CAMKMT: variants seen among roughly 807,000 people sequenced by gnomAD.
CAMKMT encodes CaM KMT.
Under a neutral mutation model 48.0 loss-of-function variants are expected in CAMKMT, and 53 were observed. The observed-to-expected ratio is 1.10, with a 90% CI of 0.89 to 1.39. The LOEUF (loss-of-function observed/expected upper bound fraction) is 1.39. Among genes scored for constraint, CAMKMT ranks in the 40% most tolerant of loss-of-function variants. The pLI is 0.00. For synonymous variants in CAMKMT, 165 were observed against 152.3 expected, an observed-to-expected ratio of 1.08 and a Z score of -0.61; for missense variants, 428 against 402.7, an observed-to-expected ratio of 1.06 and a Z score of -0.54.
chr2:44,486,657 AGAGAGCTG>A (rs1669232508), intron 3 of CAMKMT, among the ~76,000 whole-genome samples: 1 of 152,250 alleles, frequency 6.6e-6, no homozygotes, highest in Non-Finnish European at 1.5e-5. Flanking sequence ...AACTTTAGTC[AGAGAGCTG>A]AAAGCCATTG....
At chr2:44,382,178 G>A (rs960404768) in intron 2 of CAMKMT, among the ~76,000 whole-genome samples, 2 of 152,032 alleles carry the variant, frequency 1.3e-5, no homozygotes, top group African/African-American at 4.8e-5. Context: ...CTGACCTTAG[G>A]TGATTCTACC....
chr2:44,662,467 T>A (rs1044016856), intron 3 of CAMKMT, among the ~76,000 whole-genome samples: 2 of 152,244 alleles, frequency 1.3e-5, no homozygotes, highest in African/African-American at 4.8e-5. Flanking sequence ...CACATCAAAC[T>A]ATTAAGCTAT....
chr2:44,371,910 C>T (rs1297441840), intron 1 of CAMKMT, among the ~76,000 whole-genome samples: 1 of 151,970 alleles, frequency 6.6e-6, no homozygotes, highest in Non-Finnish European at 1.5e-5. Context: ...AAATAAAATC[C>T]AAGCATTATT....
At chr2:44,550,405 AAAAG>A (rs1667642921) in intron 3 of CAMKMT, among the ~76,000 whole-genome samples, 1 of 152,214 alleles carries the variant, frequency 6.6e-6, no homozygotes, top group Admixed American at 6.5e-5. Flanking sequence ...AAGAAAAAAA[AAAAG>A]AAAGAAAAAA....
chr2:44,466,484 G>A (rs564817135), intron 3 of CAMKMT, among the ~76,000 whole-genome samples: 6 of 152,078 alleles, frequency 3.9e-5, no homozygotes, highest in East Asian at 1.9e-4. Flanking sequence ...AAATGAAAAC[G>A]AATACACAAC....
chr2:44,541,828 G>A (rs1265510414), intron 3 of CAMKMT, among the ~76,000 whole-genome samples: 1 of 150,606 alleles, frequency 6.6e-6, no homozygotes, highest in Non-Finnish European at 1.5e-5. Flanking sequence ...CTTCAGAAAA[G>A]CTGTAAAAAC....
chr2:44,753,149 G>A (rs1680219016), intron 8 of CAMKMT, among the ~76,000 whole-genome samples: 1 of 151,170 alleles, frequency 6.6e-6, no homozygotes, highest in Non-Finnish European at 1.5e-5. Flanking sequence ...ACAGTGGCAT[G>A]TGCCTGTAAT....
At position 44,578,634 on chromosome 2, in the gene CAMKMT, A is replaced by G. The variant is rs571673953; in HGVS notation, c.377-125649A>G. ...TAGCAAAGAACTGAAACACTTTCCT[A>G]GTTCTACAAGGCAAATTGGGTAATG... On this transcript the variant is annotated intron_variant, in intron 3 of 10. Coordinates refer to ENST00000378494, the MANE Select transcript of CAMKMT (RefSeq NM_024766.5). Among the ~76,000 whole-genome samples, 105 of 152,314 alleles carry G rather than the reference A, an allele frequency of 6.9e-4. 1 individual carries two copies. The highest frequency in any genetic ancestry group is 2.4e-3 in the African/African-American group (101 of 41,564).
At chr2:44,570,316 A>T (rs1668838862) in intron 3 of CAMKMT, among the ~76,000 whole-genome samples, 1 of 152,226 alleles carries the variant, frequency 6.6e-6, no homozygotes, top group South Asian at 2.1e-4. Context: ...AGACATACAA[A>T]GCAATCATGA....
intron 3 of CAMKMT, among the ~76,000 whole-genome samples, chr2:44,397,848 C>T (rs918685854): frequency 6.6e-6 from 1 of 152,126 alleles, no homozygotes; most frequent in African/African-American, 2.4e-5. Flanking sequence ...GAAATAAACC[C>T]TATAATCCTT....
intron 3 of CAMKMT, among the ~76,000 whole-genome samples, chr2:44,604,562 T>TTTTTTG (rs1671179622): frequency 6.6e-6 from 1 of 151,608 alleles, no homozygotes; most frequent in African/African-American, 2.4e-5. Flanking sequence ...AATCTGGTTT[T>TTTTTTG]TTTTTTTTTT....
chr2:44,578,687 G>T (rs557388431), intron 3 of CAMKMT, among the ~76,000 whole-genome samples: 1 of 152,260 alleles, frequency 6.6e-6, no homozygotes, highest in Admixed American at 6.5e-5. Context: ...ATGGGATGTG[G>T]TGTTAAGTTT....
chr2:44,401,905 C>A (rs1369817243), intron 3 of CAMKMT, among the ~76,000 whole-genome samples: 1 of 152,126 alleles, frequency 6.6e-6, no homozygotes, highest in East Asian at 1.9e-4. Context: ...TTTTGTATCT[C>A]GTTCTAAATT....
intron 3 of CAMKMT, among the ~76,000 whole-genome samples, chr2:44,645,806 G>A (rs575718732): frequency 6.6e-6 from 1 of 152,256 alleles, no homozygotes; most frequent in Non-Finnish European, 1.5e-5. Context: ...GGGCAACAGA[G>A]CAAGACTCCA....
chr2:44,525,049 A>G (rs1213625948), intron 3 of CAMKMT, among the ~76,000 whole-genome samples: 3 of 151,958 alleles, frequency 2.0e-5, no homozygotes, highest in Non-Finnish European at 4.4e-5. Flanking sequence ...TTTATTTTAT[A>G]TGAGGATAAG....
chr2:44,551,466 A>G (rs1295663715), intron 3 of CAMKMT, among the ~76,000 whole-genome samples: 3 of 152,152 alleles, frequency 2.0e-5, no homozygotes, highest in African/African-American at 7.2e-5. Context: ...TATGCATAAG[A>G]AAGAAAGATG....
chr2:44,521,102 A>G (rs1273317893), intron 3 of CAMKMT, among the ~76,000 whole-genome samples: 2 of 152,198 alleles, frequency 1.3e-5, no homozygotes, highest in Non-Finnish European at 2.9e-5. Context: ...AGCACAACCT[A>G]TCTCCACAAG....
At chr2:44,519,682 C>G (rs549891163) in intron 3 of CAMKMT, among the ~76,000 whole-genome samples, 2 of 152,290 alleles carry the variant, frequency 1.3e-5, no homozygotes, top group East Asian at 3.9e-4. Flanking sequence ...ACTTAGGACA[C>G]AGGAGATGTA....
chr2:44,657,326 A>C lies in CAMKMT; in HGVS notation c.377-46957A>C, dbSNP rs376789436. Among the ~76,000 whole-genome samples, 47 of 152,354 alleles carry C rather than the reference A, an allele frequency of 3.1e-4. No homozygotes were observed. The highest frequency in any genetic ancestry group is 1.1e-3 in the African/African-American group (45 of 41,574). On this transcript the variant is annotated intron_variant, in intron 3 of 10. Transcript: ENST00000378494. The surrounding 1 kb of genome is among the most constrained non-coding windows in gnomAD (Gnocchi z 4.3). ...TAATTGATTTTCAGTGGTTACATAT[A>C]ACATATCAATGTCTAACCTGACTCA... is the stretch of plus-strand genomic sequence containing the variant.
Sources: allele counts gnomAD v4.1 joint callset (sites outside exome capture counted in the v4.1 genomes callset), GRCh38; gene constraint gnomAD v4.1.1; non-coding constraint Gnocchi (gnomAD v3.1); transcripts MANE v1.5; gene names NCBI Gene and HGNC (gene_info 2026-07-23, HGNC 2026-07-21).